The following DDX43 variants were observed in gnomAD, a reference collection of about 807,000 sequenced individuals.
The protein encoded by DDX43 is probable ATP-dependent RNA helicase DDX43.
In DDX43, 50 loss-of-function variants were observed where a neutral mutation model predicts 84.9. That is an observed-to-expected ratio of 0.59 (90% confidence interval 0.47 to 0.75). DDX43 has a LOEUF of 0.75. Among genes scored for constraint, DDX43 ranks in the 30% least tolerant of loss-of-function variants. The pLI is 0.00. For missense variants in DDX43, 689 were observed against 798.6 expected (o/e 0.86, Z 1.65); for synonymous variants, 291 against 266.3 (o/e 1.09, Z -0.90).
intron 2 of DDX43, among the ~76,000 whole-genome samples, chr6:73,399,905 T>C (rs557715738): frequency 6.6e-6 from 1 of 152,308 alleles, no homozygotes; most frequent in South Asian, 2.1e-4. Flanking sequence ...GTTGGAGACC[T>C]CAGAATCAAA....
rs1239508975 is a variant in DDX43, at chr6:73,407,603, A to G, written c.1025A>G (p.Lys342Arg). The G allele has an allele frequency of 6.2e-7, 1 of 1,610,750 alleles. No homozygotes were observed. Among genetic ancestry groups the G allele is most frequent in the Non-Finnish European group, 8.5e-7 (1 of 1,177,230 alleles). ...GGAGAATGTTGCAAATATTCATATA[A>G]AGGGCTTCGGAGGTAAGTAATTTTT... The part of the protein sequence containing the change: ...VEGECCKYSY[K>R]GLRSVCVYGG... The change falls in exon 8 of 17, where the codon AAA becomes AGA. Residue 342 changes from lysine (K) to arginine (R), a missense_variant. This residue lies in a region of DDX43 where 552 missense variants were observed against 692.7 expected (regional missense o/e 0.80). Transcript: ENST00000370336.
At position 73,414,617 on chromosome 6, in the gene DDX43, T is replaced by G. The variant is rs573882190; in HGVS notation, c.1676T>G (p.Val559Gly). Reference sequence around the variant, plus strand: ...CTTGATGTCCATGACGTTACACATGTCTATAATTTTGACTTTCCACGGAAT... The same window carrying G: ...CTTGATGTCCATGACGTTACACATGGCTATAATTTTGACTTTCCACGGAAT... ...RGLDVHDVTH[V>G]YNFDFPRNIE... The change falls in exon 14 of 17, where the codon GTC becomes GGC. Residue 559 changes from valine to glycine, a missense_variant. Around this residue, in one of 2 missense-constraint regions of DDX43, gnomAD observed 552 missense variants for 692.7 expected, o/e 0.80. Transcript: ENST00000370336. 1.2e-6 allele frequency: 2 copies of G among 1,613,714 alleles called. No homozygotes were observed. Among genetic ancestry groups the G allele is most frequent in the Non-Finnish European group, 1.7e-6 (2 of 1,179,686 alleles).
chr6:73,408,099 T>G lies in DDX43; in HGVS notation c.1177T>G (p.Leu393Val). 1 of 1,613,370 alleles carries G rather than the reference T, an allele frequency of 6.2e-7. No homozygotes were observed. Among genetic ancestry groups the G allele is most frequent in the Non-Finnish European group, 8.5e-7 (1 of 1,179,792 alleles). Reference sequence around the variant, plus strand: ...CGTCAATCTGAAGAATATAACCTACTTGGTAATCATGGAAATAGGGGTTTG... The same window carrying G: ...CGTCAATCTGAAGAATATAACCTACGTGGTAATCATGGAAATAGGGGTTTG... ...NFVNLKNITY[L>V]VLDEADKMLD... Residue 393 changes from leucine (L) to valine (V), a missense_variant and splice_region_variant, in exon 9 of 17, where the codon TTG becomes GTG. By Grantham distance (32) the Leu-to-Val change is conservative. This residue lies in a region of DDX43 where 552 missense variants were observed against 692.7 expected (regional missense o/e 0.80). Transcript: ENST00000370336.
At chr6:73,410,028 C>A (rs1311513948) in intron 10 of DDX43, among the ~76,000 whole-genome samples, 5 of 128,748 alleles carry the variant, frequency 3.9e-5, no homozygotes, top group Non-Finnish European at 8.2e-5. Context: ...GAAAATCTGT[C>A]TCAAAAAAAA....
intron 11 of DDX43, among the ~76,000 whole-genome samples, chr6:73,412,519 A>AGAGT (rs1554236080): frequency 1.3e-5 from 2 of 149,670 alleles, no homozygotes; most frequent in South Asian, 2.1e-4. Flanking sequence ...AGAGAGAGAG[A>AGAGT]GTGTGTGTGT....
intron 1 of DDX43, 23 bp downstream of exon 1, chr6:73,395,178 G>A (rs1455114158): frequency 6.3e-7 from 1 of 1,586,648 alleles, no homozygotes; most frequent in Non-Finnish European, 8.6e-7. Context: ...GTGGCTGGCA[G>A]GGCAGGATAG....
chr6:73,408,340 C>T (rs1384639641), intron 9 of DDX43, among the ~76,000 whole-genome samples: 1 of 151,854 alleles, frequency 6.6e-6, no homozygotes, highest in Non-Finnish European at 1.5e-5. Context: ...GAGGCTGAGA[C>T]AGAATCACTT....
At chr6:73,416,581 T>C (rs774084846) in intron 16 of DDX43, among the ~76,000 whole-genome samples, 6 of 152,192 alleles carry the variant, frequency 3.9e-5, no homozygotes, top group Non-Finnish European at 8.8e-5. Flanking sequence ...TTGAGGACAT[T>C]ATGCTTAGAG....
chr6:73,407,936 A>C (rs1168943050), intron 8 of DDX43, 24 bp from the exon 9 acceptor site: 1 of 1,599,564 alleles, frequency 6.3e-7, no homozygotes. Context: ...CTAAACATTA[A>C]CCTTTAGATT....
chr6:73,404,891 G>T (rs757457859), intron 5 of DDX43, 120 bp downstream of exon 5: 2 of 785,096 alleles, frequency 2.5e-6, no homozygotes, highest in Non-Finnish European at 4.1e-6. Flanking sequence ...AAATGAAAAT[G>T]TGTCAACTTA....
rs1404287610 is a variant in DDX43 at position 73,394,955 on chromosome 6, G to A, written c.50G>A (p.Ser17Asn). The part of the protein sequence containing the change: ...APKASTWVVA[S>N]RRSSTVSRAP... ...AAGGCCTCTACGTGGGTCGTTGCTA[G>A]TCGGCGAAGCTCGACAGTGTCCCGA... Residue 17 changes from serine (S) to asparagine (N), a missense_variant, in exon 1 of 17, where the codon AGT becomes AAT. Around this residue, in one of 2 missense-constraint regions of DDX43, gnomAD observed 137 missense variants for 105.9 expected, o/e 1.29. Transcript: ENST00000370336. 1.2e-6 allele frequency: 2 copies of A among 1,614,158 alleles called. No homozygotes were observed. The highest frequency in any genetic ancestry group is 1.3e-5 in the African/African-American group (1 of 74,958).
rs1582633043 is a variant in DDX43, at chr6:73,395,065, A to C, written c.160A>C (p.Thr54Pro). The C allele has an allele frequency of 1.9e-6, 3 of 1,613,910 alleles. No individual in the cohort carries two copies. Among genetic ancestry groups the C allele is most frequent in the South Asian group, 1.1e-5 (1 of 91,074 alleles). ...CGGCAGAGGTGGTCGCTGGAGAGGCACCTCTAGGCCCCCGGAGGCCGTGGC... is the reference window on the plus strand; with the variant it reads ...CGGCAGAGGTGGTCGCTGGAGAGGCCCCTCTAGGCCCCCGGAGGCCGTGGC... The part of the protein sequence containing the change: ...SVGRGGRWRG[T>P]SRPPEAVAAG... The change falls in exon 1 of 17, where the codon ACC (threonine) becomes CCC (proline). Residue 54 changes from threonine to proline, a missense_variant. Physicochemically the swap from Thr to Pro is conservative, Grantham distance 38. This residue lies in a region of DDX43 where 137 missense variants were observed against 105.9 expected (regional missense o/e 1.29). Coordinates refer to ENST00000370336, the MANE Select transcript of DDX43 (RefSeq NM_018665.3).
chr6:73,401,916 C>G lies in DDX43; in HGVS notation c.494C>G (p.Ala165Gly), dbSNP rs779591444. Residue 165 changes from alanine to glycine, a missense_variant, in exon 4 of 17, where the codon GCA becomes GGA. By Grantham distance (60) the Ala-to-Gly change is moderately conservative (BLOSUM62 0). Coordinates refer to ENST00000370336, the MANE Select transcript of DDX43 (RefSeq NM_018665.3). ...GGAAGCACAGATAACAATGTTGTTG[C>G]AGGAGATCGGCCATTGATAGATTGG... ...KDGSTDNNVV[A>G]GDRPLIDWDQ... 1.5e-5 allele frequency: 24 copies of G among 1,613,704 alleles called. No individual in the cohort carries two copies. The highest frequency in any genetic ancestry group is 2.0e-5 in the Non-Finnish European group (24 of 1,179,984).
rs761008860 is a variant in DDX43 at position 73,395,000 on chromosome 6, CGGA to C, written c.100_102del (p.Glu34del). ...TCCCGAGCGCCAGAGAGGAGGCCGG[CGGA>C]GGAGTTGAATCGAACAGGTCCTGAG... On this transcript the variant is annotated inframe_deletion, in exon 1 of 17. Transcript: ENST00000370336. 12 of 1,614,096 alleles carry C rather than the reference CGGA, an allele frequency of 7.4e-6. No homozygotes were observed. The highest frequency in any genetic ancestry group is 1.0e-5 in the Non-Finnish European group (12 of 1,180,056).
At position 73,401,907 on chromosome 6, in the gene DDX43, ATGT is replaced by A. The variant is rs369985914; in HGVS notation, c.491_493del (p.Val164del). 304 of 1,614,112 alleles carry A rather than the reference ATGT, an allele frequency of 1.9e-4. 2 individuals are homozygous for A. In the East Asian group the frequency reaches 4.9e-3, roughly 26 times the overall value. ...GGAAAAGATGGAAGCACAGATAACAATGTTGTTGCAGGAGATCGGCCATTGATA... is the reference window on the plus strand; with the variant it reads ...GGAAAAGATGGAAGCACAGATAACAATGTTGCAGGAGATCGGCCATTGATA... On this transcript the variant is annotated inframe_deletion, in exon 4 of 17. Coordinates refer to ENST00000370336, the MANE Select transcript of DDX43 (RefSeq NM_018665.3).
In DDX43 at chr6:73,414,026, A is replaced by C. The variant is rs377024639; in HGVS notation, c.1553A>C (p.His518Pro). Reference sequence around the variant, plus strand: ...GGAAATATATCAGTAGAGTCTCTGCATGGAGATAGAGAACAGAGAGATCGG... The same window carrying C: ...GGAAATATATCAGTAGAGTCTCTGCCTGGAGATAGAGAACAGAGAGATCGG... ...ILGNISVESLHGDREQRDREK... is the reference protein window; with the variant it reads ...ILGNISVESLPGDREQRDREK... The change falls in exon 13 of 17, where the codon CAT becomes CCT. Residue 518 changes from histidine (H) to proline (P), a missense_variant. Physicochemically the swap from His to Pro is moderately conservative, Grantham distance 77. Around this residue, in one of 2 missense-constraint regions of DDX43, gnomAD observed 552 missense variants for 692.7 expected, o/e 0.80. Transcript: ENST00000370336. 5 of 1,612,360 alleles carry C rather than the reference A, an allele frequency of 3.1e-6. No individual in the cohort carries two copies. Among genetic ancestry groups the C allele is most frequent in the Non-Finnish European group, 4.2e-6 (5 of 1,178,432 alleles).
chr6:73,401,732 G>A, intron 3 of DDX43, 127 bp from the exon 4 acceptor site: 1 of 850,294 alleles, frequency 1.2e-6, no homozygotes, highest in Non-Finnish European at 1.7e-6. Flanking sequence ...AACCCGGGAG[G>A]TGGAGCTTGC....
At chr6:73,412,007 T>C (rs1427769652) in intron 10 of DDX43, among the ~76,000 whole-genome samples, 198 bp from the exon 11 acceptor site, 1 of 152,232 alleles carries the variant, frequency 6.6e-6, no homozygotes, top group Non-Finnish European at 1.5e-5. Context: ...CAAAAACCTA[T>C]TTATTAAACA....
chr6:73,407,242 C>T (rs1299214844), intron 7 of DDX43, among the ~76,000 whole-genome samples: 1 of 152,096 alleles, frequency 6.6e-6, no homozygotes, highest in Non-Finnish European at 1.5e-5. Context: ...CTCAGCCTCC[C>T]AAGTAGCTGG....
Sources: gnomAD v4.1 joint callset for allele counts (sites outside exome capture counted in the v4.1 genomes callset) on GRCh38, gnomAD v4.1.1 for gene constraint, gnomAD v4.1.1 regional missense constraint, MANE v1.5 for transcripts, NCBI Gene and HGNC (gene_info 2026-07-23, HGNC 2026-07-21) for gene names.